TNKS: variants seen among roughly 807,000 people sequenced by gnomAD.
TNKS encodes the protein poly [ADP-ribose] polymerase tankyrase-1.
TNKS carries 72 observed loss-of-function variants against 135.8 expected under a neutral mutation model. That is an observed-to-expected ratio of 0.53 (90% CI 0.44 to 0.64). The LOEUF (loss-of-function observed/expected upper bound fraction) is 0.64. TNKS is among the 30% of genes least tolerant of loss of function. The pLI is 0.00. For synonymous variants in TNKS, 849 were observed against 649.3 expected (o/e 1.31, Z -4.68); for missense variants, 1,769 against 1,674.0 (o/e 1.06, Z -0.99).
intron 3 of TNKS, among the ~76,000 whole-genome samples, chr8:9,645,511 G>T (rs1800888442): frequency 1.3e-5 from 2 of 152,124 alleles, no homozygotes. Flanking sequence ...CTCTCACTCT[G>T]ACGTCTAAAT....
chr8:9,622,351 A>G (rs914183884), intron 3 of TNKS, among the ~76,000 whole-genome samples: 1 of 152,260 alleles, frequency 6.6e-6, no homozygotes, highest in African/African-American at 2.4e-5. Context: ...CATAAAATAC[A>G]GTGACAATAA....
rs769652034 is a variant in TNKS, at chr8:9,720,519, A to G, written c.1895A>G (p.Asn632Ser). ...GGCTTCACAGCAGCACAGATGGGCA[A>G]TGAAGCAGTGCAGCAGATTCTGAGT... Reference protein sequence around the residue: ...LQGFTAAQMGNEAVQQILSES... With the variant: ...LQGFTAAQMGSEAVQQILSES... Residue 632 changes from asparagine to serine, a missense_variant, in exon 12 of 27, where the codon AAT (asparagine) becomes AGT (serine). By Grantham distance (46) the Asn-to-Ser change is conservative (BLOSUM62 1). This residue lies in a region of TNKS where 523 missense variants were observed against 541.0 expected (regional missense o/e 0.97). Transcript: ENST00000310430. The G allele has an allele frequency of 8.1e-6, 13 of 1,613,896 alleles. No individual in the cohort carries two copies. Among genetic ancestry groups the G allele is most frequent in the Admixed American group, 5.0e-5 (3 of 59,982 alleles).
chr8:9,698,087 C>G (rs1803602600), intron 5 of TNKS, among the ~76,000 whole-genome samples: 1 of 152,132 alleles, frequency 6.6e-6, no homozygotes, highest in Admixed American at 6.5e-5. Context: ...AGAATGAAGT[C>G]ATGCCCTTTG....
chr8:9,707,531 C>G (rs571651910), intron 8 of TNKS, among the ~76,000 whole-genome samples: 1 of 152,102 alleles, frequency 6.6e-6, no homozygotes, highest in Admixed American at 6.5e-5. Context: ...TGTTATGACC[C>G]AAGTATAATC....
Position 9,771,311 on chromosome 8 carries a change from GAA to G in TNKS, c.3897+1050_3897+1051del, listed in dbSNP as rs559771150. ...AGGGAGGGAGGAGAGAGGAAGGAAG[GAA>G]GAGAGAAGAAAGGAGGGAGAGAGAG... On this transcript the variant is annotated intron_variant, in intron 26 of 26. Coordinates refer to ENST00000310430, the MANE Select transcript of TNKS (RefSeq NM_003747.3). Among the ~76,000 whole-genome samples the G allele has an allele frequency of 9.8e-4, 124 of 126,150 alleles. 1 individual carries two copies. The highest frequency in any genetic ancestry group is 1.8e-3 in the Non-Finnish European group (110 of 61,248). The allele number at this position is 126,150 out of a possible 152,430, so 82.8% of individuals were successfully genotyped here.
intron 17 of TNKS, among the ~76,000 whole-genome samples, chr8:9,741,957 TCTCTTTTTATGGTATC>T (rs1400811002): frequency 6.6e-6 from 1 of 152,224 alleles, no homozygotes; most frequent in African/African-American, 2.4e-5. Flanking sequence ...TTTTTCACTA[TCTCTTTTTATGGTATC>T]CTCTTTTTAT....
In TNKS at chr8:9,713,433, T is replaced by C. The variant is rs151215541; in HGVS notation, c.1749+3213T>C. Reference sequence around the variant, plus strand: ...TAGTTTATAAAGGTTCAATGGAAAATAACATTATGACTTGTTCTAGTCAGC... The same window carrying C: ...TAGTTTATAAAGGTTCAATGGAAAACAACATTATGACTTGTTCTAGTCAGC... On this transcript the variant is annotated intron_variant, in intron 11 of 26. Coordinates refer to ENST00000310430, the MANE Select transcript of TNKS (RefSeq NM_003747.3). Among the ~76,000 whole-genome samples, 460 of 152,318 alleles carry C rather than the reference T, an allele frequency of 3.0e-3. 3 individuals carry two copies. The highest frequency in any genetic ancestry group is 0.01 in the African/African-American group (432 of 41,568).
intron 26 of TNKS, among the ~76,000 whole-genome samples, chr8:9,771,315 A>G (rs1162132169): frequency 8.6e-6 from 1 of 116,114 alleles, no homozygotes; most frequent in Non-Finnish European, 1.7e-5. Flanking sequence ...AGGAAGGAAG[A>G]GAGAAGAAAG....
intron 1 of TNKS, chr8:9,566,673 A>T (rs553119748): frequency 2.8e-5 from 4 of 143,640 alleles, no homozygotes; most frequent in Non-Finnish European, 6.0e-5. Flanking sequence ...CAGTGGCGCA[A>T]TCTCGGCTCA....
At position 9,709,935 on chromosome 8, in the gene TNKS, T is replaced by C. The variant is rs907835599; in HGVS notation, c.1579-20T>C. 1 of 1,597,170 alleles carries C rather than the reference T, an allele frequency of 6.3e-7. No individual in the cohort carries two copies. Among genetic ancestry groups the C allele is most frequent in the Admixed American group, 1.7e-5 (1 of 59,832 alleles). ...CATATGGAAGTGTATTTTATTAACTTGGTTTTGTTTACTTTATAGCACTGT... is the reference window on the plus strand; with the variant it reads ...CATATGGAAGTGTATTTTATTAACTCGGTTTTGTTTACTTTATAGCACTGT... On this transcript the variant is annotated intron_variant, in intron 9 of 26. Coordinates refer to ENST00000310430, the MANE Select transcript of TNKS (RefSeq NM_003747.3).
At chr8:9,663,197 G>C in intron 3 of TNKS, among the ~76,000 whole-genome samples, 1 of 152,222 alleles carries the variant, frequency 6.6e-6, no homozygotes, top group Non-Finnish European at 1.5e-5. Context: ...TTAGACTTAT[G>C]ACCTCCAGAA....
At chr8:9,578,291 T>C (rs1017738292) in intron 1 of TNKS, among the ~76,000 whole-genome samples, 2 of 152,148 alleles carry the variant, frequency 1.3e-5, no homozygotes, top group Admixed American at 6.5e-5. Flanking sequence ...AGGGCATTGA[T>C]GGTAGAGGGA....
chr8:9,706,686 G>C, intron 7 of TNKS, 125 bp from the exon 8 acceptor site: 1 of 876,274 alleles, frequency 1.1e-6, no homozygotes, highest in Non-Finnish European at 1.7e-6. Context: ...AGGTGATATT[G>C]AAGAAATTAA....
In TNKS at chr8:9,594,411, C is replaced by T. The variant is rs140602820; in HGVS notation, c.898+14028C>T. Among the ~76,000 whole-genome samples, 861 of 152,228 alleles carry T rather than the reference C, an allele frequency of 5.7e-3. 9 individuals are homozygous for T. The highest frequency in any genetic ancestry group is 0.019 in the African/African-American group (804 of 41,532). ...TTTAAAAATTAAAAATTTAGTTTCT[C>T]AGTTGCACTAGCCGTGTTTTAAATG... On this transcript the variant is annotated intron_variant, in intron 2 of 26. Transcript: ENST00000310430.
intron 3 of TNKS, among the ~76,000 whole-genome samples, chr8:9,621,767 CTAAT>C (rs979937347): frequency 3.3e-5 from 5 of 151,966 alleles, no homozygotes; most frequent in African/African-American, 1.2e-4. Flanking sequence ...ATTAGAAAGT[CTAAT>C]TATACAGACT....
intron 5 of TNKS, among the ~76,000 whole-genome samples, chr8:9,699,261 A>G (rs759184072): frequency 5.3e-5 from 8 of 152,182 alleles, no homozygotes; most frequent in Non-Finnish European, 1.0e-4. Context: ...TACTTTTACC[A>G]TTGCTTTGCC....
In TNKS at chr8:9,556,349, C is replaced by T. The variant is rs1585161056; in HGVS notation, c.410C>T (p.Ser137Phe). Residue 137 changes from serine to phenylalanine, a missense_variant, in exon 1 of 27, where the codon TCT (serine) becomes TTT (phenylalanine). Physicochemically the swap from Ser to Phe is radical, Grantham distance 155. Around this residue, in one of 5 missense-constraint regions of TNKS, gnomAD observed 450 missense variants for 304.9 expected, o/e 1.48. Coordinates refer to ENST00000310430, the MANE Select transcript of TNKS (RefSeq NM_003747.3). ...NSPSSSSSPT[S>F]SSSSSPSSPG... ...CCGTCGTCCTCTTCTTCCCCGACTT[C>T]TTCCTCATCTTCCTCTCCATCCTCC... 1 of 1,614,270 alleles carries T rather than the reference C, an allele frequency of 6.2e-7. No homozygotes were observed. The highest frequency in any genetic ancestry group is 1.7e-5 in the Admixed American group (1 of 60,032).
intron 2 of TNKS, among the ~76,000 whole-genome samples, chr8:9,604,304 TTA>T (rs1423997848): frequency 5.3e-5 from 8 of 152,124 alleles, no homozygotes; most frequent in African/African-American, 1.9e-4. Context: ...TGTATCTACT[TTA>T]CTCTTGCCAT....
intron 19 of TNKS, among the ~76,000 whole-genome samples, chr8:9,752,199 T>C (rs1307996629): frequency 6.6e-6 from 1 of 152,156 alleles, no homozygotes; most frequent in Non-Finnish European, 1.5e-5. Flanking sequence ...GCTTTAGATG[T>C]TTCTATATAA....
Sources: allele counts gnomAD v4.1 joint callset (sites outside exome capture counted in the v4.1 genomes callset), GRCh38; gene constraint gnomAD v4.1.1; regional missense constraint gnomAD v4.1.1; transcripts MANE v1.5; gene names NCBI Gene and HGNC (gene_info 2026-07-23, HGNC 2026-07-21).